The following RORA variants were observed in gnomAD, a reference collection of about 807,000 sequenced individuals.
RORA encodes the protein RAR related orphan receptor A, also known as nuclear receptor ROR-alpha.
A neutral mutation model predicts 69.5 loss-of-function variants in RORA; 7 were observed. That is an observed-to-expected ratio of 0.10 (90% CI 0.06 to 0.19). The LOEUF (loss-of-function observed/expected upper bound fraction) is 0.19, where lower values mean the gene tolerates loss of function less well. RORA is among the 10% of genes least tolerant of loss of function. RORA has a pLI of 1.00. For missense variants in RORA, 457 were observed against 663.0 expected (o/e 0.69, Z 3.41); for synonymous variants, 261 against 240.8 (o/e 1.08, Z -0.78).
chr15:60,661,738 C>T (rs1200799234), intron 2 of RORA, among the ~76,000 whole-genome samples: 1 of 152,176 alleles, frequency 6.6e-6, no homozygotes, highest in Non-Finnish European at 1.5e-5. Context: ...AACCCTGACT[C>T]CATCAGAACC....
intron 1 of RORA, among the ~76,000 whole-genome samples, chr15:60,827,319 T>C (rs951561658): frequency 1.3e-5 from 2 of 152,194 alleles, no homozygotes; most frequent in Non-Finnish European, 2.9e-5. Context: ...CTTCAAACAA[T>C]GCGTTAGCTC....
chr15:60,833,444 G>A (rs1049992622), intron 1 of RORA, among the ~76,000 whole-genome samples: 3 of 151,958 alleles, frequency 2.0e-5, no homozygotes, highest in Non-Finnish European at 2.9e-5. Flanking sequence ...TCAAACTCCT[G>A]ACCCCAAGTG....
intron 1 of RORA, among the ~76,000 whole-genome samples, chr15:60,759,604 C>A (rs1043969317): frequency 1.3e-5 from 2 of 152,130 alleles, no homozygotes; most frequent in East Asian, 3.9e-4. Flanking sequence ...AAAGACTGGC[C>A]GTCTCAGATT....
intron 1 of RORA, among the ~76,000 whole-genome samples, chr15:60,689,334 T>C (rs1195670355): frequency 6.6e-6 from 1 of 152,128 alleles, no homozygotes; most frequent in Non-Finnish European, 1.5e-5. Flanking sequence ...AAAAGGCCCA[T>C]ATGTCCTTGG....
intron 1 of RORA, among the ~76,000 whole-genome samples, chr15:61,079,706 T>C (rs1464789882): frequency 6.6e-6 from 1 of 152,228 alleles, no homozygotes; most frequent in East Asian, 1.9e-4. Context: ...TAATGTGCTC[T>C]GCTCTGAGGC....
At chr15:60,783,836 C>T (rs1296383042) in intron 1 of RORA, among the ~76,000 whole-genome samples, 1 of 152,248 alleles carries the variant, frequency 6.6e-6, no homozygotes, top group Non-Finnish European at 1.5e-5. Context: ...TTCAGATCAA[C>T]AACCTGTCTG....
Position 60,921,693 on chromosome 15 carries a change from CAG to C in RORA, c.167-243009_167-243008del, listed in dbSNP as rs1476952981. ...TGCTCCAATACAATTAAAGAAAAAA[CAG>C]GGTTCAATTCCCATCTCTGCCACTC... On this transcript the variant is annotated intron_variant, in intron 1 of 10. Coordinates refer to ENST00000335670, the MANE Select transcript of RORA (RefSeq NM_134261.3). Among the ~76,000 whole-genome samples the C allele has an allele frequency of 5.3e-5, 8 of 152,126 alleles. No homozygotes were observed. The East Asian group carries it at 1.5e-3, about 29-fold the overall frequency.
chr15:60,712,192 G>T (rs1439783231), intron 1 of RORA, among the ~76,000 whole-genome samples: 1 of 152,106 alleles, frequency 6.6e-6, no homozygotes, highest in Non-Finnish European at 1.5e-5. Context: ...TCCAGAGGTG[G>T]TATACCAGTT....
intron 1 of RORA, among the ~76,000 whole-genome samples, chr15:60,745,176 C>T (rs904446724): frequency 1.3e-5 from 2 of 152,102 alleles, no homozygotes; most frequent in African/African-American, 4.8e-5. Flanking sequence ...AATGAGACAG[C>T]AGGGAGTGAA....
chr15:60,810,451 C>CAG (rs1567198777), intron 1 of RORA, among the ~76,000 whole-genome samples: 20 of 150,658 alleles, frequency 1.3e-4, no homozygotes, highest in Non-Finnish European at 2.5e-4. Context: ...AACCTCACCC[C>CAG]TTACACTGGG....
chr15:60,839,001 G>A (rs976104628), intron 1 of RORA, among the ~76,000 whole-genome samples: 17 of 151,470 alleles, frequency 1.1e-4, no homozygotes, highest in African/African-American at 4.1e-4. Context: ...CCATTCTCCT[G>A]CCTCAGCCTC....
intron 1 of RORA, among the ~76,000 whole-genome samples, chr15:60,945,048 GC>G (rs1892828202): frequency 6.6e-6 from 1 of 152,170 alleles, no homozygotes; most frequent in Non-Finnish European, 1.5e-5. Context: ...AGCAGAGAAA[GC>G]TAGGAGCTGA....
intron 1 of RORA, among the ~76,000 whole-genome samples, chr15:60,773,798 C>T (rs757448150): frequency 3.5e-4 from 54 of 152,264 alleles, no homozygotes; most frequent in Admixed American, 5.9e-4. Flanking sequence ...CTGGAAACAT[C>T]CAGAGCTACC....
chr15:61,006,263 G>A (rs1011884432), intron 1 of RORA, among the ~76,000 whole-genome samples: 2 of 151,986 alleles, frequency 1.3e-5, no homozygotes, highest in African/African-American at 4.8e-5. Context: ...CACCGTGCCC[G>A]GCCGTAATAT....
chr15:60,604,723 T>G (rs2068905961), intron 2 of RORA, among the ~76,000 whole-genome samples: 1 of 152,170 alleles, frequency 6.6e-6, no homozygotes, highest in Non-Finnish European at 1.5e-5. Context: ...GGAATTGGAG[T>G]TGGAAAATCT....
intron 1 of RORA, among the ~76,000 whole-genome samples, chr15:61,189,164 AC>A (rs1183807106): frequency 2.0e-5 from 3 of 152,022 alleles, no homozygotes; most frequent in African/African-American, 7.3e-5. Context: ...TTCATCTTTG[AC>A]CCCTTAGTGT....
intron 1 of RORA, among the ~76,000 whole-genome samples, chr15:60,873,265 GTGTGTGTGTGTC>G (rs1332935172): frequency 4.0e-5 from 6 of 150,564 alleles, no homozygotes; most frequent in Non-Finnish European, 7.4e-5. Flanking sequence ...GTGTGTGTCT[GTGTGTGTGTGTC>G]TGTGTGTGTG....
At chr15:60,934,467 T>TTTGTTG (rs59877483) in intron 1 of RORA, among the ~76,000 whole-genome samples, 4,379 of 146,982 alleles carry the variant, frequency 0.03, 199 homozygotes, top group African/African-American at 0.11. Flanking sequence ...GGCCCAAGAG[T>TTTGTTG]TTGTTGTTGT....
At chr15:60,703,765 C>A (rs1374157552) in intron 1 of RORA, among the ~76,000 whole-genome samples, 7 of 152,006 alleles carry the variant, frequency 4.6e-5, no homozygotes. Context: ...CATTCTTACA[C>A]ATCCTGTGTT....
Sources: allele counts gnomAD v4.1 joint callset (sites outside exome capture counted in the v4.1 genomes callset), GRCh38; gene constraint gnomAD v4.1.1; transcripts MANE v1.5; gene names NCBI Gene and HGNC (gene_info 2026-07-23, HGNC 2026-07-21).